NRXN3: variants seen among roughly 807,000 people sequenced by gnomAD.
NRXN3 encodes neurexin III.
NRXN3 carries 32 observed loss-of-function variants against 137.6 expected under a neutral mutation model. The ratio of observed to expected loss-of-function variants is 0.23; its 90% CI spans 0.18 to 0.31. The LOEUF is 0.31. Ranked by LOEUF, NRXN3 falls within the 10% of genes least tolerant of loss-of-function variation. The pLI, the probability that NRXN3 is intolerant of heterozygous loss-of-function variation, is 1.00. For missense variants in NRXN3, 1,574 were observed against 2,062.5 expected, an observed-to-expected ratio of 0.76 and a Z score of 4.59; for synonymous variants, 798 against 784.5, an observed-to-expected ratio of 1.02 and a Z score of -0.29.
At chr14:78,643,360 C>G (rs778938388) in intron 4 of NRXN3, among the ~76,000 whole-genome samples, 1 of 152,136 alleles carries the variant, frequency 6.6e-6, no homozygotes, top group Non-Finnish European at 1.5e-5. Context: ...AAACTGTATA[C>G]CTCAACTATT....
chr14:79,420,912 A>C (rs2095566865), intron 15 of NRXN3, among the ~76,000 whole-genome samples: 1 of 152,182 alleles, frequency 6.6e-6, no homozygotes, highest in South Asian at 2.1e-4. Context: ...GGAGGTGTTA[A>C]CGCACTGAAC....
chr14:79,440,738 C>CA (rs952414001), intron 15 of NRXN3, among the ~76,000 whole-genome samples: 56 of 151,626 alleles, frequency 3.7e-4, no homozygotes, highest in African/African-American at 1.3e-3. Context: ...ACCACACTTT[C>CA]AAAAAAAAAT....
intron 4 of NRXN3, among the ~76,000 whole-genome samples, chr14:78,440,622 A>G (rs1052662332): frequency 6.6e-6 from 1 of 151,998 alleles, no homozygotes; most frequent in Admixed American, 6.6e-5. Flanking sequence ...GTTTTCCTAG[A>G]TCCAGGGTTA....
At chr14:78,803,582 C>T (rs1351350910) in intron 8 of NRXN3, 38 bp from the exon 9 acceptor site, 1 of 1,597,208 alleles carries the variant, frequency 6.3e-7, no homozygotes, top group Non-Finnish European at 8.6e-7. Flanking sequence ...ACTGTGACAT[C>T]CGTCATCCTA....
chr14:79,135,730 A>G (rs142071874), intron 15 of NRXN3, among the ~76,000 whole-genome samples: 2 of 152,362 alleles, frequency 1.3e-5, no homozygotes, highest in Non-Finnish European at 2.9e-5. Flanking sequence ...TCATTTGCAG[A>G]GATAATTCAA....
chr14:79,521,485 T>C (rs1488044852), intron 16 of NRXN3, among the ~76,000 whole-genome samples: 1 of 152,178 alleles, frequency 6.6e-6, no homozygotes, highest in Non-Finnish European at 1.5e-5. Context: ...CTTTTTGACC[T>C]ATCATTTGAA....
intron 4 of NRXN3, among the ~76,000 whole-genome samples, chr14:78,428,327 C>T (rs1448712918): frequency 6.6e-6 from 1 of 152,166 alleles, no homozygotes; most frequent in Non-Finnish European, 1.5e-5. Flanking sequence ...TAATTCAACC[C>T]TAAGCCAAAA....
intron 4 of NRXN3, among the ~76,000 whole-genome samples, chr14:78,460,095 A>AAAG (rs1262457511): frequency 6.6e-6 from 1 of 152,246 alleles, no homozygotes; most frequent in Non-Finnish European, 1.5e-5. Context: ...CATTTATTAT[A>AAAG]AAGGATATTA....
At chr14:79,270,240 G>A (rs979191425) in intron 15 of NRXN3, among the ~76,000 whole-genome samples, 2 of 152,168 alleles carry the variant, frequency 1.3e-5, no homozygotes, top group Non-Finnish European at 2.9e-5. Context: ...TGATTTTGCT[G>A]TGGCTCCAAA....
chr14:79,337,957 T>C (rs2092369395), intron 15 of NRXN3, among the ~76,000 whole-genome samples: 1 of 152,084 alleles, frequency 6.6e-6, no homozygotes, highest in Non-Finnish European at 1.5e-5. Flanking sequence ...GCCTGTGGCT[T>C]TGTTTTTATT....
At chr14:78,469,588 T>A (rs993500144) in intron 4 of NRXN3, among the ~76,000 whole-genome samples, 1 of 152,120 alleles carries the variant, frequency 6.6e-6, no homozygotes, top group Non-Finnish European at 1.5e-5. Flanking sequence ...AGTCAGAAGG[T>A]GAATTCTATA....
At chr14:79,256,493 C>T (rs2076603678) in intron 15 of NRXN3, among the ~76,000 whole-genome samples, 1 of 152,162 alleles carries the variant, frequency 6.6e-6, no homozygotes, top group Admixed American at 6.5e-5. Flanking sequence ...TAGAGTGCCC[C>T]CTAGCACCTC....
At chr14:78,572,223 C>G (rs1231647217) in intron 4 of NRXN3, among the ~76,000 whole-genome samples, 1 of 152,216 alleles carries the variant, frequency 6.6e-6, no homozygotes, top group Non-Finnish European at 1.5e-5. Flanking sequence ...CTTATCCCTT[C>G]TCTAGTTCTG....
intron 14 of NRXN3, 72 bp from the exon 15 acceptor site, chr14:78,987,950 C>T: frequency 6.6e-7 from 1 of 1,507,734 alleles, no homozygotes; most frequent in South Asian, 1.3e-5. Flanking sequence ...AGGTGATTTC[C>T]TTGAATCTAA....
At chr14:79,188,935 G>A (rs1025782963) in intron 15 of NRXN3, among the ~76,000 whole-genome samples, 3 of 152,126 alleles carry the variant, frequency 2.0e-5, no homozygotes, top group Admixed American at 6.5e-5. Flanking sequence ...TTACACTGTC[G>A]GTGGGACTGT....
intron 10 of NRXN3, among the ~76,000 whole-genome samples, chr14:78,948,833 T>G (rs1247298594): frequency 6.6e-6 from 1 of 152,074 alleles, no homozygotes; most frequent in Non-Finnish European, 1.5e-5. Flanking sequence ...CTTTCAGTCC[T>G]GAGACAGGAC....
At chr14:78,203,186 A>G (rs1349102664) in intron 1 of NRXN3, among the ~76,000 whole-genome samples, 2 of 152,196 alleles carry the variant, frequency 1.3e-5, no homozygotes, top group Non-Finnish European at 2.9e-5. Context: ...GTTACTGTGC[A>G]GATGTGAAGT....
At chr14:79,692,285 T>C in intron 18 of NRXN3, 23 bp downstream of exon 18, 1 of 1,551,766 alleles carries the variant, frequency 6.4e-7, no homozygotes, top group South Asian at 1.2e-5. Flanking sequence ...AAAACTTTCA[T>C]TTTAAAATCA....
At chr14:79,217,299 C>T (rs1035537655) in intron 15 of NRXN3, among the ~76,000 whole-genome samples, 4 of 152,094 alleles carry the variant, frequency 2.6e-5, no homozygotes, top group Non-Finnish European at 5.9e-5. Context: ...CATCACATGA[C>T]GAGAGCAGGA....
Sources: gnomAD v4.1 joint callset for allele counts (sites outside exome capture counted in the v4.1 genomes callset) on GRCh38, gnomAD v4.1.1 for gene constraint, MANE v1.5 for transcripts, NCBI Gene and HGNC (gene_info 2026-07-23, HGNC 2026-07-21) for gene names.